BAHD1: variants seen among roughly 807,000 people sequenced by gnomAD.
BAHD1 encodes bromo adjacent homology domain containing 1.
A neutral mutation model predicts 63.1 loss-of-function variants in BAHD1; 20 were observed. That is an observed-to-expected ratio of 0.32 (90% CI 0.22 to 0.46). BAHD1 has a LOEUF of 0.46. BAHD1 is among the 20% of genes least tolerant of loss of function. The pLI is 1.00. For synonymous variants in BAHD1, 408 were observed against 426.8 expected, an observed-to-expected ratio of 0.96 and a Z score of 0.54; for missense variants, 939 against 1,071.8, an observed-to-expected ratio of 0.88 and a Z score of 1.73.
At position 40,466,192 on chromosome 15, in the gene BAHD1, C is replaced by T; in HGVS notation, c.*62C>T. On this transcript the variant is annotated 3_prime_UTR_variant, in exon 7 of 7. Transcript: ENST00000416165. ...GTGGGGCTCGGGGTAGGGGGCACTG[C>T]TTGAAGCACAGCACTTGGTTAGGGG... is the stretch of plus-strand genomic sequence containing the variant. 3.3e-6 allele frequency: 5 copies of T among 1,511,214 alleles called. No individual in the cohort carries two copies. The South Asian group carries it at 6.2e-5, about 19-fold the overall frequency. The allele number at this position is 1,511,214 out of a possible 1,614,324, so 93.6% of individuals were successfully genotyped here.
chr15:40,448,098 C>T (rs538673935), intron 1 of BAHD1, among the ~76,000 whole-genome samples: 4 of 152,084 alleles, frequency 2.6e-5, no homozygotes, highest in South Asian at 2.1e-4. Flanking sequence ...AAAAATTAGC[C>T]GGGCATGGTG....
At chr15:40,457,665 C>T (rs1174395215) in intron 1 of BAHD1, among the ~76,000 whole-genome samples, 1 of 152,220 alleles carries the variant, frequency 6.6e-6, no homozygotes, top group Non-Finnish European at 1.5e-5. Context: ...CTCAGAAGCC[C>T]TGCGTTTGGG....
rs1893942526 is a variant in BAHD1 at position 40,459,074 on chromosome 15, C to A, written c.610C>A (p.Leu204Met). Residue 204 changes from leucine to methionine, a missense_variant, in exon 2 of 7, where the codon CTG (leucine) becomes ATG (methionine). By Grantham distance (15) the Leu-to-Met change is conservative (BLOSUM62 2). Coordinates refer to ENST00000416165, the MANE Select transcript of BAHD1 (RefSeq NM_014952.5). ...AGATGGAGACCCAGCTCCCAAGAGACTGGCTAGCCTGAACGCAGCTGCTTT... is the reference window on the plus strand; with the variant it reads ...AGATGGAGACCCAGCTCCCAAGAGAATGGCTAGCCTGAACGCAGCTGCTTT... ...RRDGDPAPKR[L>M]ASLNAAAFLK... 1 of 1,612,412 alleles carries A rather than the reference C, an allele frequency of 6.2e-7. No homozygotes were observed. Among genetic ancestry groups the A allele is most frequent in the Non-Finnish European group, 8.5e-7 (1 of 1,179,504 alleles).
chr15:40,441,538 G>A (rs1893401608), intron 1 of BAHD1, among the ~76,000 whole-genome samples: 1 of 150,212 alleles, frequency 6.7e-6, no homozygotes, highest in South Asian at 2.1e-4. Context: ...GCCTCGAGGT[G>A]ACAGCCCCCG....
chr15:40,444,356 A>G (rs1893478965), intron 1 of BAHD1, among the ~76,000 whole-genome samples: 1 of 152,086 alleles, frequency 6.6e-6, no homozygotes, highest in South Asian at 2.1e-4. Context: ...GCTGTTTCTA[A>G]TATTTCTGCT....
chr15:40,465,589 T>G (rs1894176416), intron 6 of BAHD1, among the ~76,000 whole-genome samples, 154 bp downstream of exon 6: 1 of 152,218 alleles, frequency 6.6e-6, no homozygotes, highest in South Asian at 2.1e-4. Flanking sequence ...TCCCTATTGC[T>G]TGCCTCTACC....
At chr15:40,441,841 C>G (rs1893412627) in intron 1 of BAHD1, among the ~76,000 whole-genome samples, 1 of 145,354 alleles carries the variant, frequency 6.9e-6, no homozygotes, top group Non-Finnish European at 1.5e-5. Context: ...CCGGTTATTG[C>G]TGGATGGGGG....
upstream of BAHD1, among the ~76,000 whole-genome samples, chr15:40,439,386 G>T (rs1341995755): frequency 6.6e-6 from 1 of 152,202 alleles, no homozygotes. Context: ...AGCCATATTG[G>T]CTAGCAGCCC....
At chr15:40,439,907 G>A (rs1595841715), upstream of BAHD1, 2 of 152,354 alleles carry the variant, frequency 1.3e-5, no homozygotes, top group Non-Finnish European at 2.9e-5. Flanking sequence ...GGCTTGGGAG[G>A]GCACGTCTGT....
chr15:40,465,520 G>T, intron 6 of BAHD1, 85 bp downstream of exon 6: 1 of 1,041,664 alleles, frequency 9.6e-7, no homozygotes, highest in Admixed American at 1.9e-5. Context: ...TCCCCGAGAG[G>T]ATCTCATTCT....
At chr15:40,460,170 G>A (rs1245856081) in intron 2 of BAHD1, among the ~76,000 whole-genome samples, 1 of 152,214 alleles carries the variant, frequency 6.6e-6, no homozygotes, top group Non-Finnish European at 1.5e-5. Flanking sequence ...AGTGGTACAG[G>A]CCACAGGAAG....
intron 1 of BAHD1, among the ~76,000 whole-genome samples, chr15:40,457,708 G>A (rs1893888778): frequency 6.6e-6 from 1 of 152,206 alleles, no homozygotes; most frequent in African/African-American, 2.4e-5. Context: ...TTATACTTTT[G>A]GAAGAATAGA....
chr15:40,448,767 C>A (rs1343439479), intron 1 of BAHD1, among the ~76,000 whole-genome samples: 1 of 152,068 alleles, frequency 6.6e-6, no homozygotes, highest in Admixed American at 6.5e-5. Flanking sequence ...AACTCCTGGC[C>A]TCCCACAGCA....
intron 1 of BAHD1, among the ~76,000 whole-genome samples, chr15:40,445,256 TAAAA>T (rs397937880): frequency 2.6e-5 from 3 of 113,720 alleles, no homozygotes; most frequent in African/African-American, 3.4e-5. Flanking sequence ...TCCTTTTGGG[TAAAA>T]AAAAAAAAAA....
chr15:40,445,280 C>T (rs1408671028), intron 1 of BAHD1, among the ~76,000 whole-genome samples: 2 of 82,940 alleles, frequency 2.4e-5, no homozygotes, highest in Non-Finnish European at 5.1e-5. Context: ...AAAAAAACAA[C>T]CCTTTCACAC....
At position 40,459,111 on chromosome 15, in the gene BAHD1, G is replaced by A; in HGVS notation, c.647G>A (p.Ser216Asn). Residue 216 changes from serine (S) to asparagine (N), a missense_variant, in exon 2 of 7, where the codon AGC (serine) becomes AAC (asparagine). Transcript: ENST00000416165. ...SLNAAAFLKLSQERELPLRLP... is the reference protein window; with the variant it reads ...SLNAAAFLKLNQERELPLRLP... ...AACGCAGCTGCTTTCCTAAAACTGA[G>A]CCAGGAGCGGGAGCTACCCCTGCGG... 6.2e-7 allele frequency: 1 copy of A among 1,613,040 alleles called. No homozygotes were observed. Among genetic ancestry groups the A allele is most frequent in the Non-Finnish European group, 8.5e-7 (1 of 1,179,878 alleles).
intron 1 of BAHD1, among the ~76,000 whole-genome samples, chr15:40,449,952 G>C (rs1016431235): frequency 2.0e-5 from 3 of 152,190 alleles, no homozygotes; most frequent in African/African-American, 7.2e-5. Flanking sequence ...CCTGGGGATG[G>C]AGGAGAGTTT....
chr15:40,451,270 G>A (rs2141491011), intron 1 of BAHD1, among the ~76,000 whole-genome samples: 1 of 152,074 alleles, frequency 6.6e-6, no homozygotes, highest in South Asian at 2.1e-4. Flanking sequence ...TGTTCCCACG[G>A]TACACGTGGC....
At chr15:40,460,043 A>C in intron 2 of BAHD1, 147 bp downstream of exon 2, 3 of 1,066,194 alleles carry the variant, frequency 2.8e-6, no homozygotes, top group Non-Finnish European at 3.9e-6. Context: ...GAACTCCCGT[A>C]GTCTGTGCCC....
Sources: allele counts gnomAD v4.1 joint callset (sites outside exome capture counted in the v4.1 genomes callset), GRCh38; gene constraint gnomAD v4.1.1; transcripts MANE v1.5; gene names NCBI Gene and HGNC (gene_info 2026-07-23, HGNC 2026-07-21).